The following CALU variants were observed in gnomAD, a reference collection of about 807,000 sequenced individuals.
CALU encodes the protein calumenin.
A neutral mutation model predicts 37.5 loss-of-function variants in CALU; 13 were observed. The observed-to-expected ratio is 0.35, with a 90% CI of 0.23 to 0.55. The LOEUF (loss-of-function observed/expected upper bound fraction) is 0.55, where lower values mean the gene tolerates loss of function less well. Ranked by LOEUF, CALU falls within the 20% of genes least tolerant of loss-of-function variation. CALU has a pLI of 0.89. For missense variants in CALU, 282 were observed against 391.7 expected, an observed-to-expected ratio of 0.72 and a Z score of 2.36; for synonymous variants, 114 against 133.8, an observed-to-expected ratio of 0.85 and a Z score of 1.02.
Position 128,769,278 on chromosome 7 carries a change from A to G in CALU, c.*111A>G, listed in dbSNP as rs1801464788. The G allele has an allele frequency of 4.9e-6, 3 of 607,692 alleles. No homozygotes were observed. Among genetic ancestry groups the G allele is most frequent in the South Asian group, 4.1e-5 (2 of 48,954 alleles). The allele number at this position is 607,692 out of a possible 1,614,324, so 37.6% of individuals were successfully genotyped here. ...GTTACTACAAACTTTTTAAGACATG[A>G]AAAGGCGTAATGAAAACCATCCCGT... On this transcript the variant is annotated 3_prime_UTR_variant, in exon 7 of 7. Coordinates refer to ENST00000249364, the MANE Select transcript of CALU (RefSeq NM_001219.5).
chr7:128,754,306 CTG>C lies in CALU; in HGVS notation c.269_270del (p.Val90GlyfsTer2). 1 of 1,613,440 alleles carries C rather than the reference CTG, an allele frequency of 6.2e-7. No individual in the cohort carries two copies. The highest frequency in any genetic ancestry group is 8.5e-7 in the Non-Finnish European group (1 of 1,179,786). On this transcript the variant is annotated frameshift_variant, in exon 3 of 7. Transcript: ENST00000249364. LOFTEE classifies it high-confidence loss of function. ...GATGGCGACAAGGACGGGTTTGTCA[CTG>C]TGGATGAGCTCAAAGACTGGATTAA...
Position 128,748,386 on chromosome 7 carries a change from A to G in CALU, c.-11-187A>G, listed in dbSNP as rs183127621. The G allele has an allele frequency of 1.1e-5, 17 of 1,484,410 alleles. No homozygotes were observed. The East Asian group carries it at 3.9e-4, about 34-fold the overall frequency. 92.0% of individuals were successfully genotyped at this position (1,484,410 alleles called of 1,614,324 possible). A position where few individuals can be genotyped will look rare whatever the true frequency, so the allele number is the denominator to read the frequency against. On this transcript the variant is annotated intron_variant, in intron 1 of 6. Transcript: ENST00000249364. ...GAAACTGGTAAAAATTTCTCACTGT[A>G]ATAATTGAAGAGTCTGATATTCCAC...
At chr7:128,763,761 A>G (rs1489772666) in intron 5 of CALU, among the ~76,000 whole-genome samples, 2 of 152,206 alleles carry the variant, frequency 1.3e-5, no homozygotes. Context: ...AGTGGACCGT[A>G]CAAACTACAT....
At chr7:128,755,936 C>T (rs1406887771) in intron 3 of CALU, among the ~76,000 whole-genome samples, 1 of 152,208 alleles carries the variant, frequency 6.6e-6, no homozygotes, top group Non-Finnish European at 1.5e-5. Context: ...AGATAGCCAG[C>T]TGTCTGCATT....
intron 5 of CALU, among the ~76,000 whole-genome samples, chr7:128,762,134 A>C (rs1371764692): frequency 6.6e-6 from 1 of 151,822 alleles, no homozygotes; most frequent in Non-Finnish European, 1.5e-5. Flanking sequence ...AGGGTTTTCT[A>C]CTTTTAAATG....
chr7:128,758,762 A>C lies in CALU; in HGVS notation c.416-109A>C, dbSNP rs879539605. ...TGCAGTTTTACCTGTGTCATCAATT[A>C]TTTCTTCCTTGCATGGTTTTATCTT... On this transcript the variant is annotated intron_variant, in intron 3 of 6. Coordinates refer to ENST00000249364, the MANE Select transcript of CALU (RefSeq NM_001219.5). 5.1e-6 allele frequency: 4 copies of C among 781,102 alleles called. No homozygotes were observed. In the African/African-American group the frequency reaches 6.9e-5, roughly 14 times the overall value. 48.4% of individuals were successfully genotyped at this position (781,102 alleles called of 1,614,324 possible). A position where few individuals can be genotyped will look rare whatever the true frequency, so the allele number is the denominator to read the frequency against.
chr7:128,772,748 C>G lies in CALU; in HGVS notation c.*3581C>G. On this transcript the variant is annotated 3_prime_UTR_variant, in exon 7 of 7. Coordinates refer to ENST00000249364, the MANE Select transcript of CALU (RefSeq NM_001219.5). ...TATTCTCTGTATCACCAAAGCCTTGCACAATGCTTTGTACCCAGAATGCCC... is the reference window on the plus strand; with the variant it reads ...TATTCTCTGTATCACCAAAGCCTTGGACAATGCTTTGTACCCAGAATGCCC... 1 of 1,546,910 alleles carries G rather than the reference C, an allele frequency of 6.5e-7. No individual in the cohort carries two copies. The highest frequency in any genetic ancestry group is 1.1e-5 in the South Asian group (1 of 88,856).
chr7:128,767,560 G>A lies in CALU; in HGVS notation c.748G>A (p.Asp250Asn). 2.5e-6 allele frequency: 4 copies of A among 1,614,078 alleles called. No individual in the cohort carries two copies. Among genetic ancestry groups the A allele is most frequent in the Non-Finnish European group, 3.4e-6 (4 of 1,179,944 alleles). Residue 250 changes from aspartate to asparagine, a missense_variant, in exon 6 of 7, where the codon GAC (aspartate) becomes AAC (asparagine). Transcript: ENST00000249364. ...GGATAAGAACCGTGATGGGAAGATG[G>A]ACAAGGAAGAGACCAAAGACTGGAT... The part of the protein sequence containing the change: ...FRDKNRDGKM[D>N]KEETKDWILP...
chr7:128,739,410 T>G lies in CALU; in HGVS notation c.-34T>G, dbSNP rs339056. 1 of 152,486 alleles carries G rather than the reference T, an allele frequency of 6.6e-6. No individual in the cohort carries two copies. Among genetic ancestry groups the G allele is most frequent in the African/African-American group, 2.4e-5 (1 of 41,432 alleles). The allele number at this position is 152,486 out of a possible 1,614,324, so 9.4% of individuals were successfully genotyped here. ...GGTGAGCGGCGGCCACGGCATCCTG[T>G]GCTGTGGGGGCTACGAGGAAAGGTA... On this transcript the variant is annotated 5_prime_UTR_variant, in exon 1 of 7. Transcript: ENST00000249364.
intron 1 of CALU, among the ~76,000 whole-genome samples, chr7:128,741,670 G>A (rs58102643): frequency 0.018 from 2,787 of 152,274 alleles, 83 homozygotes; most frequent in African/African-American, 0.06. Flanking sequence ...ACTGAAGGAA[G>A]TTTGAGCTAA....
chr7:128,755,650 G>A (rs1010601362), intron 3 of CALU, among the ~76,000 whole-genome samples: 6 of 152,130 alleles, frequency 3.9e-5, no homozygotes, highest in Non-Finnish European at 7.4e-5. Context: ...TTGTATGCTT[G>A]GGCCACCTGT....
At chr7:128,750,151 C>G (rs955572611) in intron 2 of CALU, among the ~76,000 whole-genome samples, 1 of 150,910 alleles carries the variant, frequency 6.6e-6, no homozygotes, top group African/African-American at 2.4e-5. Flanking sequence ...TGGCGTGAAC[C>G]CGGGAGGTGG....
rs571614527 is a variant in CALU, at chr7:128,740,686, G to A, written c.-12+1254G>A. On this transcript the variant is annotated intron_variant, in intron 1 of 6. Transcript: ENST00000249364. ...GGGGGTTCCAATAGGATTCTTTTGA[G>A]AATCACAAGTAGGAAAGCCATGAGC... Among the ~76,000 whole-genome samples the A allele has an allele frequency of 1.1e-4, 16 of 152,232 alleles. 1 individual carries two copies. The South Asian group carries it at 1.7e-3, about 16-fold the overall frequency.
rs762414185 is a variant in CALU at position 128,754,362 on chromosome 7, G to C, written c.322G>C (p.Asp108His). ...TGCACAAAAGCGCTGGATTTACGAG[G>C]ATGTAGAGCGACAGTGGAAGGGGCA... ...KFAQKRWIYE[D>H]VERQWKGHDL... The change falls in exon 3 of 7, where the codon GAT becomes CAT. Residue 108 changes from aspartate (D) to histidine (H), a missense_variant. Asp to His is a moderately conservative substitution (Grantham distance 81, BLOSUM62 -1). Transcript: ENST00000249364. 1.2e-6 allele frequency: 2 copies of C among 1,614,082 alleles called. No individual in the cohort carries two copies. The highest frequency in any genetic ancestry group is 2.7e-5 in the African/African-American group (2 of 74,936).
At chr7:128,742,582 A>C (rs1016906711) in intron 1 of CALU, among the ~76,000 whole-genome samples, 1 of 152,266 alleles carries the variant, frequency 6.6e-6, no homozygotes, top group African/African-American at 2.4e-5. Context: ...AGTTTGGGCC[A>C]TGTATTGCTC....
At chr7:128,753,355 A>G (rs543081122) in intron 2 of CALU, among the ~76,000 whole-genome samples, 83 of 152,354 alleles carry the variant, frequency 5.4e-4, no homozygotes, top group African/African-American at 1.9e-3. Context: ...ATTACATAGG[A>G]TGACTTTGCC....
intron 4 of CALU, 99 bp downstream of exon 4, chr7:128,759,136 T>TG: frequency 1.2e-6 from 1 of 807,154 alleles, no homozygotes; most frequent in Non-Finnish European, 2.0e-6. Context: ...CTTATATATA[T>TG]ATATGCTATA....
chr7:128,768,291 C>T (rs1413489157), intron 6 of CALU, among the ~76,000 whole-genome samples: 1 of 152,086 alleles, frequency 6.6e-6, no homozygotes, highest in Admixed American at 6.5e-5. Context: ...ATTTCAAATT[C>T]AGTTTTTTAT....
chr7:128,746,800 A>C (rs1391671574), intron 1 of CALU, among the ~76,000 whole-genome samples: 3 of 121,438 alleles, frequency 2.5e-5, no homozygotes, highest in South Asian at 2.5e-4. Flanking sequence ...ACGGAGTCTC[A>C]CTCTGTAGCC....
Sources: gnomAD v4.1 joint callset for allele counts (sites outside exome capture counted in the v4.1 genomes callset) on GRCh38, gnomAD v4.1.1 for gene constraint, MANE v1.5 for transcripts, NCBI Gene and HGNC (gene_info 2026-07-23, HGNC 2026-07-21) for gene names.